CACNA1E: variants seen among roughly 807,000 people sequenced by gnomAD.
The protein encoded by CACNA1E is calcium voltage-gated channel subunit alpha1 E.
A neutral mutation model predicts 259.2 loss-of-function variants in CACNA1E; 40 were observed. The observed-to-expected ratio is 0.15, with a 90% CI of 0.12 to 0.20. The LOEUF is 0.20. Among genes scored for constraint, CACNA1E ranks in the 10% least tolerant of loss-of-function variants. CACNA1E has a pLI of 1.00. For missense variants in CACNA1E, 1,874 were observed against 3,040.1 expected, an observed-to-expected ratio of 0.62 and a Z score of 9.02; for synonymous variants, 1,104 against 1,138.5, an observed-to-expected ratio of 0.97 and a Z score of 0.61.
chr1:181,509,695 A>G (rs745644466), intron 1 of CACNA1E, among the ~76,000 whole-genome samples: 1 of 152,216 alleles, frequency 6.6e-6, no homozygotes, highest in Middle Eastern at 3.4e-3. Flanking sequence ...CACAGGGAGC[A>G]CCTCACCTGT....
intron 1 of CACNA1E, among the ~76,000 whole-genome samples, chr1:181,486,131 G>T (rs2102481668): frequency 6.6e-6 from 1 of 152,376 alleles, no homozygotes; most frequent in South Asian, 2.1e-4. Context: ...GTGCGGCTGT[G>T]AGTCTTACTC....
intron 1 of CACNA1E, among the ~76,000 whole-genome samples, chr1:181,376,538 G>A (rs968695638): frequency 2.6e-4 from 40 of 152,318 alleles, no homozygotes; most frequent in Middle Eastern, 6.8e-3. Context: ...GAGGCAGCTT[G>A]TGTTACATTT....
chr1:181,681,515 A>C (rs1259510932), intron 7 of CACNA1E, among the ~76,000 whole-genome samples: 1 of 152,164 alleles, frequency 6.6e-6, no homozygotes, highest in Non-Finnish European at 1.5e-5. Context: ...TTTCTGCCAT[A>C]GCCTACCAAA....
At chr1:181,502,741 C>T (rs1665364924) in intron 1 of CACNA1E, among the ~76,000 whole-genome samples, 1 of 152,200 alleles carries the variant, frequency 6.6e-6, no homozygotes. Flanking sequence ...CCCTGTCCCC[C>T]AGGCTGGAGT....
chr1:181,546,622 C>T (rs1647502730), intron 3 of CACNA1E, among the ~76,000 whole-genome samples: 1 of 152,116 alleles, frequency 6.6e-6, no homozygotes, highest in Non-Finnish European at 1.5e-5. Context: ...TAGTAGACAC[C>T]ACCACTCACC....
intron 37 of CACNA1E, among the ~76,000 whole-genome samples, chr1:181,772,888 C>T (rs968634930): frequency 1.3e-5 from 2 of 152,144 alleles, no homozygotes; most frequent in Non-Finnish European, 2.9e-5. Flanking sequence ...GGAAGCCCTA[C>T]GTGCCTCTGA....
At chr1:181,636,274 A>G (rs1255764935) in intron 6 of CACNA1E, among the ~76,000 whole-genome samples, 1 of 152,170 alleles carries the variant, frequency 6.6e-6, no homozygotes, top group Non-Finnish European at 1.5e-5. Flanking sequence ...TTATCTGTGC[A>G]ACCTCAGGCA....
chr1:181,717,412 CT>C (rs1230304605), intron 11 of CACNA1E, 110 bp downstream of exon 11: 1 of 854,654 alleles, frequency 1.2e-6, no homozygotes, highest in East Asian at 2.5e-5. Flanking sequence ...GGTTCTACCT[CT>C]TCACGCTGTG....
At chr1:181,459,303 C>T (rs768793425) in intron 2 of CACNA1E, among the ~76,000 whole-genome samples, 13 of 152,232 alleles carry the variant, frequency 8.5e-5, no homozygotes, top group East Asian at 3.8e-4. Flanking sequence ...ATAGGTGAGC[C>T]GGTGAGCACT....
intron 25 of CACNA1E, chr1:181,745,363 G>A (rs1284632018): frequency 2.0e-6 from 1 of 495,486 alleles, no homozygotes; most frequent in Non-Finnish European, 4.0e-6. Flanking sequence ...GCATGAAATT[G>A]GGAGATGGTT....
At chr1:181,377,948 G>A (rs1655209714) in intron 1 of CACNA1E, among the ~76,000 whole-genome samples, 1 of 152,180 alleles carries the variant, frequency 6.6e-6, no homozygotes, top group Non-Finnish European at 1.5e-5. Flanking sequence ...GGAGCTGCTA[G>A]CAACATATAG....
At chr1:181,697,814 G>T (rs754032777) in intron 7 of CACNA1E, among the ~76,000 whole-genome samples, 1 of 152,192 alleles carries the variant, frequency 6.6e-6, no homozygotes, top group Non-Finnish European at 1.5e-5. Context: ...GATAGGCATT[G>T]GTCCATGGTT....
chr1:181,355,308 C>T (rs1440577324), intron 1 of CACNA1E, among the ~76,000 whole-genome samples: 1 of 152,178 alleles, frequency 6.6e-6, no homozygotes, highest in African/African-American at 2.4e-5. Context: ...TGAGTACAGG[C>T]CGGGCATGGT....
At chr1:181,467,776 A>G (rs1414551535) in intron 2 of CACNA1E, among the ~76,000 whole-genome samples, 6 of 152,174 alleles carry the variant, frequency 3.9e-5, no homozygotes, top group Non-Finnish European at 7.3e-5. Flanking sequence ...GATGAGTCCT[A>G]TGAGCTAGAG....
chr1:181,726,312 T>G lies in CACNA1E; in HGVS notation c.2240+150T>G, dbSNP rs1654905751. On this transcript the variant is annotated intron_variant, in intron 18 of 47. Coordinates refer to ENST00000367573, the MANE Select transcript of CACNA1E (RefSeq NM_001205293.3). Reference sequence around the variant, plus strand: ...GCAGTGAGCCAGACAGAGTCTGTTTTCATGGAAGTGTTATTTCAGTGAGTG... The same window carrying G: ...GCAGTGAGCCAGACAGAGTCTGTTTGCATGGAAGTGTTATTTCAGTGAGTG... 4 of 597,032 alleles carry G rather than the reference T, an allele frequency of 6.7e-6. No homozygotes were observed. The South Asian group carries it at 7.9e-5, about 12-fold the overall frequency. 37.0% of individuals were successfully genotyped at this position (597,032 alleles called of 1,614,324 possible).
In CACNA1E at chr1:181,435,666, A is replaced by G. The variant is rs574093452; in HGVS notation, c.434+22086A>G. Among the ~76,000 whole-genome samples, 315 of 152,314 alleles carry G rather than the reference A, an allele frequency of 2.1e-3. 1 individual carries two copies. The highest frequency in any genetic ancestry group is 0.01 in the Middle Eastern group (3 of 294). On this transcript the variant is annotated intron_variant, in intron 2 of 11. Transcript: ENST00000524607. ...TCTAGGACAGGGTCTGCCACATAGT[A>G]GGCTCCCAATATATATTATTGAATG... is the stretch of plus-strand genomic sequence containing the variant.
chr1:181,557,907 A>C (rs1292875182), intron 3 of CACNA1E, among the ~76,000 whole-genome samples: 4 of 152,234 alleles, frequency 2.6e-5, no homozygotes, highest in Non-Finnish European at 5.9e-5. Context: ...AGATTCAGAC[A>C]GTCCCATTTT....
intron 3 of CACNA1E, among the ~76,000 whole-genome samples, chr1:181,568,584 G>GTTCA (rs139859676): frequency 0.2 from 29,549 of 151,496 alleles, 3,275 homozygotes; most frequent in South Asian, 0.37. Flanking sequence ...CTTCAGATCT[G>GTTCA]TTCATTCATT....
intron 1 of CACNA1E, among the ~76,000 whole-genome samples, chr1:181,383,513 C>A (rs186547650): frequency 6.6e-6 from 1 of 152,292 alleles, no homozygotes; most frequent in East Asian, 1.9e-4. Flanking sequence ...GTGGCAAATG[C>A]CTTTAGAAAA....
Sources: gnomAD v4.1 joint callset for allele counts (sites outside exome capture counted in the v4.1 genomes callset) on GRCh38, gnomAD v4.1.1 for gene constraint, MANE v1.5 for transcripts, NCBI Gene and HGNC (gene_info 2026-07-23, HGNC 2026-07-21) for gene names.